The following PIGN variants were observed in gnomAD, a reference collection of about 807,000 sequenced individuals.
PIGN encodes the protein GPI ethanolamine phosphate transferase 1.
In PIGN, 117 loss-of-function variants were observed where a neutral mutation model predicts 125.4. The ratio of observed to expected loss-of-function variants is 0.93; its 90% confidence interval spans 0.80 to 1.09. The LOEUF is 1.09. Ranked by LOEUF, PIGN falls within the 50% of genes least tolerant of loss-of-function variation. The pLI, the probability that PIGN is intolerant of heterozygous loss-of-function variation, is 0.00. For missense variants in PIGN, 1,075 were observed against 1,094.9 expected (o/e 0.98, Z 0.26); for synonymous variants, 392 against 377.8 (o/e 1.04, Z -0.44).
At chr18:62,185,531 C>T (rs1482653524) in intron 1 of PIGN, among the ~76,000 whole-genome samples, 1 of 152,058 alleles carries the variant, frequency 6.6e-6, no homozygotes, top group Non-Finnish European at 1.5e-5. Flanking sequence ...TAACTGTTGG[C>T]ATACTTTTAC....
Position 62,031,726 on chromosome 18 carries a change from G to A in PIGN, c.2143-13985C>T, listed in dbSNP as rs2030194995. On this transcript the variant is annotated intron_variant, in intron 23 of 24. Transcript: ENST00000639600. Reference sequence around the variant, plus strand: ...CATTTTTTTTCTTTTCTGTTTTCATGTTTCTGTAGCTAACCTCTTATGGTA... The same window carrying A: ...CATTTTTTTTCTTTTCTGTTTTCATATTTCTGTAGCTAACCTCTTATGGTA... 2.0e-5 allele frequency among the ~76,000 whole-genome samples: 3 copies of A among 152,070 alleles called. 1 individual carries two copies. The highest frequency in any genetic ancestry group is 6.5e-5 in the Admixed American group (1 of 15,276).
intron 30 of PIGN, among the ~76,000 whole-genome samples, chr18:62,058,558 TG>T (rs1438404981): frequency 6.6e-6 from 1 of 152,210 alleles, no homozygotes; most frequent in Non-Finnish European, 1.5e-5. Context: ...CATGGGGAAA[TG>T]GTTATTATAG....
intron 30 of PIGN, among the ~76,000 whole-genome samples, chr18:62,053,934 A>G (rs1463959151): frequency 6.6e-6 from 1 of 152,242 alleles, no homozygotes; most frequent in Non-Finnish European, 1.5e-5. Flanking sequence ...CTAGAAATCA[A>G]CAATGGATAA....
intron 23 of PIGN, among the ~76,000 whole-genome samples, chr18:62,092,604 G>A (rs2034010512): frequency 6.6e-6 from 1 of 151,842 alleles, no homozygotes; most frequent in East Asian, 1.9e-4. Context: ...CTGAAATAAT[G>A]TTAATTAGAA....
chr18:62,126,019 A>C (rs2035522268), intron 14 of PIGN, among the ~76,000 whole-genome samples: 1 of 152,100 alleles, frequency 6.6e-6, no homozygotes, highest in Non-Finnish European at 1.5e-5. Flanking sequence ...TTAGTAACCC[A>C]ATTGTATAAC....
intron 23 of PIGN, among the ~76,000 whole-genome samples, chr18:62,031,788 C>CA (rs1018440292): frequency 6.6e-6 from 1 of 152,142 alleles, no homozygotes; most frequent in African/African-American, 2.4e-5. Context: ...ACTAAACAAT[C>CA]AGAGAAGTGA....
chr18:62,083,249 A>G (rs140674554), intron 27 of PIGN, among the ~76,000 whole-genome samples: 1 of 152,266 alleles, frequency 6.6e-6, no homozygotes, highest in Non-Finnish European at 1.5e-5. Context: ...ATTCACACTC[A>G]TTATAACAAA....
chr18:62,184,093 C>T (rs760958502), intron 1 of PIGN, among the ~76,000 whole-genome samples: 8 of 152,064 alleles, frequency 5.3e-5, no homozygotes, highest in Non-Finnish European at 5.9e-5. Context: ...TGTACCAATA[C>T]AAGTTATCTA....
chr18:62,150,212 G>A (rs2036477966), intron 7 of PIGN, among the ~76,000 whole-genome samples: 1 of 152,160 alleles, frequency 6.6e-6, no homozygotes, highest in East Asian at 1.9e-4. Flanking sequence ...TCAAACTCCT[G>A]GCCTCAAGTG....
chr18:62,159,404 C>T (rs2036859459), intron 4 of PIGN, among the ~76,000 whole-genome samples: 1 of 152,146 alleles, frequency 6.6e-6, no homozygotes, highest in South Asian at 2.1e-4. Context: ...CAAGTGCCAC[C>T]AGAAAAGCTT....
At chr18:62,177,159 T>G (rs1379528138) in intron 1 of PIGN, among the ~76,000 whole-genome samples, 4 of 152,190 alleles carry the variant, frequency 2.6e-5, no homozygotes, top group African/African-American at 4.8e-5. Flanking sequence ...AGCTTATGAA[T>G]TAAAGATGGT....
At position 62,173,898 on chromosome 18, in the gene PIGN, CT is replaced by C. The variant is rs201922970; in HGVS notation, c.-235-10243del. 1.6e-4 allele frequency among the ~76,000 whole-genome samples: 25 copies of C among 152,230 alleles called. No homozygotes were observed. In the East Asian group the frequency reaches 3.5e-3, roughly 21 times the overall value. ...AAATAGGTGGCAAAAGCTAAAAAGC[CT>C]TCCATAATTTCACTATTAAAACTGA... is the stretch of plus-strand genomic sequence containing the variant. On this transcript the variant is annotated intron_variant, in intron 1 of 30. Coordinates refer to ENST00000640252, the MANE Select transcript of PIGN (RefSeq NM_176787.5).
At chr18:62,171,512 G>C (rs1469592366) in intron 1 of PIGN, among the ~76,000 whole-genome samples, 3 of 152,276 alleles carry the variant, frequency 2.0e-5, no homozygotes, top group South Asian at 4.1e-4. Context: ...TGGAATAGAA[G>C]TGATTACAGC....
intron 30 of PIGN, among the ~76,000 whole-genome samples, chr18:62,050,707 A>G (rs747667879): frequency 1.7e-3 from 260 of 152,178 alleles, no homozygotes; most frequent in Non-Finnish European, 2.9e-3. Context: ...TCTCCTGCCT[A>G]ATTGCCCTGG....
At chr18:62,039,623 G>C (rs539226530), downstream of PIGN, among the ~76,000 whole-genome samples, 7 of 110,350 alleles carry the variant, frequency 6.3e-5, no homozygotes, top group East Asian at 1.8e-3. Flanking sequence ...CCCATCCAGA[G>C]TGCCGCACCC....
At chr18:62,088,235 C>A (rs1273153606) in intron 25 of PIGN, among the ~76,000 whole-genome samples, 3 of 152,158 alleles carry the variant, frequency 2.0e-5, no homozygotes, top group Non-Finnish European at 4.4e-5. Context: ...GCTAGTCAGT[C>A]AGCCTTTCCA....
intron 22 of PIGN, 43 bp from the exon 23 acceptor site, chr18:62,095,993 C>A (rs1014777053): frequency 5.2e-6 from 7 of 1,342,926 alleles, no homozygotes; most frequent in Admixed American, 1.8e-5. Context: ...ATAAGAGACA[C>A]AAAAAAAATG....
chr18:62,182,584 T>C (rs1388229641), intron 1 of PIGN, among the ~76,000 whole-genome samples: 1 of 152,210 alleles, frequency 6.6e-6, no homozygotes, highest in Non-Finnish European at 1.5e-5. Context: ...ATGTATACCA[T>C]CTCTTATGCG....
intron 30 of PIGN, among the ~76,000 whole-genome samples, chr18:62,050,579 A>G (rs1410271594): frequency 6.6e-6 from 1 of 151,288 alleles, no homozygotes; most frequent in Non-Finnish European, 1.5e-5. Context: ...GAAGTTGCTT[A>G]TCAGCTTAAG....
Sources: gnomAD v4.1 joint callset for allele counts (sites outside exome capture counted in the v4.1 genomes callset) on GRCh38, gnomAD v4.1.1 for gene constraint, MANE v1.5 for transcripts, NCBI Gene and HGNC (gene_info 2026-07-23, HGNC 2026-07-21) for gene names.